Variants in SLC8A1 observed in about 807,000 individuals in gnomAD.
SLC8A1 encodes the protein solute carrier family 8 member A1.
Under a neutral mutation model 68.3 loss-of-function variants are expected in SLC8A1, and 18 were observed. That is an observed-to-expected ratio of 0.26 (90% CI 0.18 to 0.39). The LOEUF is 0.39. SLC8A1 is among the 10% of genes least tolerant of loss of function. The probability of loss-of-function intolerance (pLI) is 1.00; values close to 1 mark genes in which losing one functional copy is unlikely to be tolerated. For synonymous variants in SLC8A1, 475 were observed against 415.5 expected, an observed-to-expected ratio of 1.14 and a Z score of -1.74; for missense variants, 985 against 1,156.7, an observed-to-expected ratio of 0.85 and a Z score of 2.15.
intron 2 of SLC8A1, among the ~76,000 whole-genome samples, chr2:40,298,463 G>A (rs916101089): frequency 1.4e-4 from 21 of 152,152 alleles, no homozygotes; most frequent in African/African-American, 4.8e-4. Context: ...TATAAAAAAG[G>A]TAATTAGTTA....
At chr2:40,141,931 G>C (rs1404157836) in intron 6 of SLC8A1, among the ~76,000 whole-genome samples, 2 of 152,136 alleles carry the variant, frequency 1.3e-5, no homozygotes, top group African/African-American at 4.8e-5. Context: ...TACAAGCCAA[G>C]GAGATTGGCC....
chr2:40,389,320 T>C (rs997892230), intron 2 of SLC8A1, among the ~76,000 whole-genome samples: 1 of 152,080 alleles, frequency 6.6e-6, no homozygotes, highest in Non-Finnish European at 1.5e-5. Context: ...ACATATTTAG[T>C]AGAGGGTGAT....
chr2:40,226,138 C>T lies in SLC8A1; in HGVS notation c.1809-48283G>A, dbSNP rs528070256. Among the ~76,000 whole-genome samples, 135 of 152,194 alleles carry T rather than the reference C, an allele frequency of 8.9e-4. 1 individual carries two copies. Among genetic ancestry groups the T allele is most frequent in the African/African-American group, 3.1e-3 (129 of 41,534 alleles). The stretch of plus-strand genomic sequence containing the variant: ...ATTGCTTTTCCCCTAAAAGTCGGGC[C>T]TTGCTGTGACAGCTACTTCACAAGC... On this transcript the variant is annotated intron_variant, in intron 2 of 7. Transcript: ENST00000406785.
intron 2 of SLC8A1, among the ~76,000 whole-genome samples, chr2:40,268,921 G>A (rs995632802): frequency 1.3e-5 from 2 of 152,210 alleles, no homozygotes; most frequent in Non-Finnish European, 2.9e-5. Flanking sequence ...CTACTCCAGA[G>A]TAACCTCAGT....
Position 40,331,505 on chromosome 2 carries a change from G to C in SLC8A1, c.1808+96968C>G, listed in dbSNP as rs555564405. On this transcript the variant is annotated intron_variant, in intron 2 of 7. Transcript: ENST00000406785. ...CCTTTATATTAGCAAAATTTTATGT[G>C]AGTTAACTGCATAAAATAGGATGAG... Among the ~76,000 whole-genome samples the C allele has an allele frequency of 2.6e-5, 4 of 152,246 alleles. No individual in the cohort carries two copies. In the South Asian group the frequency reaches 6.2e-4, roughly 24 times the overall value.
intron 2 of SLC8A1, among the ~76,000 whole-genome samples, chr2:40,327,676 G>T (rs2075982763): frequency 6.6e-6 from 1 of 152,246 alleles, no homozygotes; most frequent in Middle Eastern, 3.4e-3. Flanking sequence ...AATACTGCAT[G>T]TTATCACATA....
chr2:40,506,565 A>T (rs1403571736), intron 1 of SLC8A1, among the ~76,000 whole-genome samples: 1 of 151,908 alleles, frequency 6.6e-6, no homozygotes. Context: ...TCAGGAAGGT[A>T]TAATTGTATA....
intron 7 of SLC8A1, among the ~76,000 whole-genome samples, chr2:40,139,193 C>T (rs1236281639): frequency 6.6e-6 from 1 of 152,172 alleles, no homozygotes; most frequent in African/African-American, 2.4e-5. Context: ...GGATGCTTTC[C>T]TGTCATTGCA....
intron 1 of SLC8A1, among the ~76,000 whole-genome samples, chr2:40,489,942 G>C (rs1705208258): frequency 6.6e-6 from 1 of 151,992 alleles, no homozygotes; most frequent in Non-Finnish European, 1.5e-5. Context: ...ATGAAGACAG[G>C]CAGCCCCCTT....
chr2:40,237,103 G>A (rs1214083212), intron 2 of SLC8A1, among the ~76,000 whole-genome samples: 1 of 151,682 alleles, frequency 6.6e-6, no homozygotes, highest in Admixed American at 6.6e-5. Context: ...TCTTCTCGAG[G>A]AGTATCTTTG....
chr2:40,223,888 TAGG>T (rs1429576867), intron 2 of SLC8A1: 1 of 152,090 alleles, frequency 6.6e-6, no homozygotes, highest in Non-Finnish European at 1.5e-5. Flanking sequence ...TAATTTATAA[TAGG>T]AGAAGTTGGA....
chr2:40,288,864 A>ATT lies in SLC8A1; in HGVS notation c.1809-111011_1809-111010dup, dbSNP rs35858344. 9.6e-4 allele frequency among the ~76,000 whole-genome samples: 121 copies of ATT among 125,792 alleles called. 1 individual carries two copies. Among genetic ancestry groups the ATT allele is most frequent in the African/African-American group, 4.3e-3 (117 of 27,502 alleles). 82.5% of individuals were successfully genotyped at this position (125,792 alleles called of 152,430 possible). ...ATATATATATATATGTATATATATG[A>ATT]TTTTTTTTTTTTTTTGGTAGAGATG... On this transcript the variant is annotated intron_variant, in intron 2 of 7. Coordinates refer to ENST00000406785, the Ensembl canonical transcript of SLC8A1.
intron 2 of SLC8A1, among the ~76,000 whole-genome samples, chr2:40,402,247 C>A (rs963523950): frequency 7.9e-5 from 12 of 152,246 alleles, no homozygotes; most frequent in African/African-American, 2.9e-4. Context: ...CCACCAGCAC[C>A]ATGACAGTTT....
intron 2 of SLC8A1, among the ~76,000 whole-genome samples, chr2:40,211,843 CA>C (rs1467883712): frequency 6.6e-6 from 1 of 152,040 alleles, no homozygotes; most frequent in Non-Finnish European, 1.5e-5. Context: ...AGAAATAAAG[CA>C]AAATAATTTT....
intron 1 of SLC8A1, among the ~76,000 whole-genome samples, chr2:40,461,022 G>C (rs1037049010): frequency 1.3e-5 from 2 of 152,126 alleles, no homozygotes; most frequent in African/African-American, 4.8e-5. Context: ...CAACTACTGA[G>C]GGCGAAAAGG....
At chr2:40,491,162 A>G (rs1371721993) in intron 1 of SLC8A1, among the ~76,000 whole-genome samples, 1 of 152,172 alleles carries the variant, frequency 6.6e-6, no homozygotes, top group African/African-American at 2.4e-5. Context: ...TAGTCAAAGA[A>G]GCTTAGGTTT....
chr2:40,121,465 C>T (rs764856531), intron 7 of SLC8A1, among the ~76,000 whole-genome samples: 4 of 152,080 alleles, frequency 2.6e-5, no homozygotes, highest in Admixed American at 6.6e-5. Context: ...TGTGGGTAGG[C>T]GTCACGGAGA....
chr2:40,372,490 C>A (rs1678437073), intron 2 of SLC8A1, among the ~76,000 whole-genome samples: 1 of 152,118 alleles, frequency 6.6e-6, no homozygotes, highest in African/African-American at 2.4e-5. Flanking sequence ...GATAATACTA[C>A]CATGGCAAAC....
intron 2 of SLC8A1, among the ~76,000 whole-genome samples, chr2:40,391,785 G>C (rs1237008206): frequency 6.6e-6 from 1 of 151,970 alleles, no homozygotes; most frequent in Non-Finnish European, 1.5e-5. Context: ...AAATAAATCA[G>C]GTAGACAAAA....
Sources: gnomAD v4.1 joint callset for allele counts (sites outside exome capture counted in the v4.1 genomes callset) on GRCh38, gnomAD v4.1.1 for gene constraint, MANE v1.5 for transcripts, NCBI Gene and HGNC (gene_info 2026-07-23, HGNC 2026-07-21) for gene names.